RERE: variants seen among roughly 807,000 people sequenced by gnomAD.
The protein encoded by RERE is arginine-glutamic acid dipeptide repeats protein.
Under a neutral mutation model 146.1 loss-of-function variants are expected in RERE, and 40 were observed. The observed-to-expected ratio is 0.27, with a 90% CI of 0.21 to 0.36. The LOEUF (loss-of-function observed/expected upper bound fraction) is 0.36. RERE is among the 10% of genes least tolerant of loss of function. The pLI is 1.00. For missense variants in RERE, 1,933 were observed against 2,138.7 expected, an observed-to-expected ratio of 0.90 and a Z score of 1.90; for synonymous variants, 1,003 against 866.0, an observed-to-expected ratio of 1.16 and a Z score of -2.78.
At chr1:8,601,017 CTTTTTTTTTTT>C (rs34455445) in intron 4 of RERE, among the ~76,000 whole-genome samples, 1 of 95,072 alleles carries the variant, frequency 1.1e-5, no homozygotes, top group Non-Finnish European at 1.9e-5. Context: ...GTCTCCCAAA[CTTTTTTTTTTT>C]TTTTTTTTTG....
chr1:8,420,074 A>G (rs1236014128), intron 12 of RERE, among the ~76,000 whole-genome samples: 2 of 152,234 alleles, frequency 1.3e-5, no homozygotes, highest in Non-Finnish European at 2.9e-5. Context: ...CCTTGCACCA[A>G]TGCCCAATCA....
At chr1:8,436,112 A>C (rs1279038568) in intron 11 of RERE, among the ~76,000 whole-genome samples, 1 of 152,146 alleles carries the variant, frequency 6.6e-6, no homozygotes, top group Non-Finnish European at 1.5e-5. Context: ...CGAGGTCAGG[A>C]GTTTGAGACC....
intron 11 of RERE, among the ~76,000 whole-genome samples, chr1:8,437,582 A>C (rs969938708): frequency 4.6e-5 from 7 of 152,132 alleles, no homozygotes; most frequent in African/African-American, 1.7e-4. Flanking sequence ...CCACAAGGCT[A>C]CGCTGCTGGC....
rs1025796319 is a variant in RERE, at chr1:8,725,995, T to C, written c.-144-69554A>G. Among the ~76,000 whole-genome samples, 10 of 152,158 alleles carry C rather than the reference T, an allele frequency of 6.6e-5. 1 individual carries two copies. In the South Asian group the frequency reaches 1.2e-3, roughly 19 times the overall value. Reference sequence around the variant, plus strand: ...CCCATTTGTTTGAATAGAGGGTACATTTACTTCCTACCCAACAAGATTTGA... The same window carrying C: ...CCCATTTGTTTGAATAGAGGGTACACTTACTTCCTACCCAACAAGATTTGA... On this transcript the variant is annotated intron_variant, in intron 1 of 22. Transcript: ENST00000400908.
intron 10 of RERE, among the ~76,000 whole-genome samples, chr1:8,492,059 CA>C (rs1433744015): frequency 6.6e-6 from 1 of 152,088 alleles, no homozygotes; most frequent in African/African-American, 2.4e-5. Context: ...GGAGTCAGTT[CA>C]ACAGTGAAGT....
chr1:8,814,782 T>C (rs1641879364), intron 1 of RERE, among the ~76,000 whole-genome samples: 1 of 152,244 alleles, frequency 6.6e-6, no homozygotes, highest in African/African-American at 2.4e-5. Context: ...TCTGGTTTAA[T>C]ATTTCAAGAG....
At chr1:8,547,675 A>T (rs943006717) in intron 6 of RERE, among the ~76,000 whole-genome samples, 5 of 152,258 alleles carry the variant, frequency 3.3e-5, no homozygotes, top group African/African-American at 4.8e-5. Context: ...AAACATGGAG[A>T]TAACACTTCT....
At chr1:8,525,734 G>A in intron 7 of RERE, 1 of 1,582,364 alleles carries the variant, frequency 6.3e-7, no homozygotes. Flanking sequence ...CACTGTTTCG[G>A]TGAGGCCAGG....
At chr1:8,665,133 C>T (rs1335131121) in intron 1 of RERE, among the ~76,000 whole-genome samples, 1 of 152,212 alleles carries the variant, frequency 6.6e-6, no homozygotes, top group African/African-American at 2.4e-5. Flanking sequence ...TCTTCCTACC[C>T]TTTGTAATGC....
intron 3 of RERE, 118 bp downstream of exon 3, chr1:8,624,192 C>T: frequency 2.5e-6 from 2 of 794,300 alleles, no homozygotes; most frequent in South Asian, 1.6e-5. Flanking sequence ...GCAGTTAGCA[C>T]TCAAAAGGTG....
chr1:8,590,705 G>A (rs1016206894), intron 4 of RERE: 9 of 152,148 alleles, frequency 5.9e-5, no homozygotes, highest in African/African-American at 2.2e-4. Flanking sequence ...CCACACTTAC[G>A]AAATACGAAG....
At chr1:8,669,216 T>C (rs998155056) in intron 1 of RERE, among the ~76,000 whole-genome samples, 1 of 151,976 alleles carries the variant, frequency 6.6e-6, no homozygotes, top group African/African-American at 2.4e-5. Context: ...GCTGGGATTA[T>C]AGGTGTATGC....
At chr1:8,406,587 T>A (rs1399901372) in intron 12 of RERE, among the ~76,000 whole-genome samples, 3 of 152,214 alleles carry the variant, frequency 2.0e-5, no homozygotes, top group African/African-American at 7.2e-5. Context: ...GAATGCTTTA[T>A]ACTCTTCTTG....
chr1:8,736,214 T>G (rs1640194411), intron 1 of RERE, among the ~76,000 whole-genome samples: 1 of 151,572 alleles, frequency 6.6e-6, no homozygotes, highest in African/African-American at 2.4e-5. Context: ...TGTTTGTTTG[T>G]TTGTTTTTTG....
intron 4 of RERE, among the ~76,000 whole-genome samples, chr1:8,602,157 G>A (rs1044917524): frequency 1.3e-5 from 2 of 152,162 alleles, no homozygotes; most frequent in Non-Finnish European, 2.9e-5. Flanking sequence ...TTGGGAGGCC[G>A]AAGTGGGTGG....
At chr1:8,769,172 G>T (rs1379180444) in intron 1 of RERE, among the ~76,000 whole-genome samples, 1 of 152,144 alleles carries the variant, frequency 6.6e-6, no homozygotes, top group Non-Finnish European at 1.5e-5. Flanking sequence ...TTTACCCAAT[G>T]ATTTGAGTAA....
intron 1 of RERE, among the ~76,000 whole-genome samples, chr1:8,764,140 C>T (rs964295443): frequency 6.6e-6 from 1 of 152,136 alleles, no homozygotes; most frequent in Admixed American, 6.5e-5. Flanking sequence ...TTTCCCTCAT[C>T]ACTGCCTCCT....
At chr1:8,670,952 T>C (rs1363137146) in intron 1 of RERE, among the ~76,000 whole-genome samples, 1 of 152,148 alleles carries the variant, frequency 6.6e-6, no homozygotes. Flanking sequence ...CCCTCAGAAG[T>C]GGCTAACAGA....
chr1:8,450,861 A>C (rs1211464951), intron 11 of RERE, among the ~76,000 whole-genome samples: 2 of 151,870 alleles, frequency 1.3e-5, no homozygotes, highest in African/African-American at 4.8e-5. Context: ...TTTCGACAGC[A>C]CTCTCAGGAA....
Sources: allele counts gnomAD v4.1 joint callset (sites outside exome capture counted in the v4.1 genomes callset), GRCh38; gene constraint gnomAD v4.1.1; transcripts MANE v1.5; gene names NCBI Gene and HGNC (gene_info 2026-07-23, HGNC 2026-07-21).